The following MST1 variants were observed in gnomAD, a reference collection of about 807,000 sequenced individuals.
The protein encoded by MST1 is macrophage stimulating 1, also known as hepatocyte growth factor-like protein.
MST1 carries 76 observed loss-of-function variants against 100.1 expected under a neutral mutation model. That is an observed-to-expected ratio of 0.76 (90% CI 0.63 to 0.92). The LOEUF (loss-of-function observed/expected upper bound fraction) is 0.92. Among genes scored for constraint, MST1 ranks in the 40% least tolerant of loss-of-function variants. MST1 has a pLI of 0.00. For missense variants in MST1, 850 were observed against 990.0 expected, an observed-to-expected ratio of 0.86 and a Z score of 1.90; for synonymous variants, 352 against 385.4, an observed-to-expected ratio of 0.91 and a Z score of 1.01.
Position 49,684,444 on chromosome 3 carries a change from T to C in MST1, c.1886A>G (p.Asn629Ser), listed in dbSNP as rs375757574. Reference sequence around the variant, plus strand: ...CAAGGCCACATTTAGGACTGTGTCATTACCCGTACCTGCAGTGAGGGGAAT... The same window carrying C: ...CAAGGCCACATTTAGGACTGTGTCACTACCCGTACCTGCAGTGAGGGGAAT... ...AGWGETKGTG[N>S]DTVLNVALLN... The change falls in exon 17 of 18, where the codon AAT becomes AGT. Residue 629 changes from asparagine to serine, a missense_variant. Physicochemically the swap from Asn to Ser is conservative, Grantham distance 46. This residue lies in a region of MST1 where 816 missense variants were observed against 924.6 expected (regional missense o/e 0.88). Coordinates refer to ENST00000449682, the MANE Select transcript of MST1 (RefSeq NM_020998.4). 1.9e-6 allele frequency: 3 copies of C among 1,613,350 alleles called. No individual in the cohort carries two copies. The African/African-American group carries it at 4.0e-5, about 22-fold the overall frequency.
At position 49,684,717 on chromosome 3, in the gene MST1, C is replaced by T. The variant is rs1428634217; in HGVS notation, c.1769+21G>A. ...CACAAGGCCCAGCCCCACCTCACAC[C>T]CTCCCAGGTTGTCCACATACCTCTC... On this transcript the variant is annotated intron_variant, in intron 15 of 17. Transcript: ENST00000449682. The T allele has an allele frequency of 3.1e-6, 5 of 1,612,926 alleles. No homozygotes were observed. The African/African-American group carries it at 4.0e-5, about 13-fold the overall frequency.
In MST1 at chr3:49,687,473, C is replaced by T. The variant is rs2876714; in HGVS notation, c.361G>A (p.Val121Ile). The T allele has an allele frequency of 1.1e-5, 17 of 1,613,496 alleles. 1 individual carries two copies. The highest frequency in any genetic ancestry group is 2.2e-5 in the South Asian group (2 of 91,082). The change falls in exon 4 of 18, where the codon GTA (valine) becomes ATA (isoleucine). Residue 121 changes from valine to isoleucine, a missense_variant. Physicochemically the swap from Val to Ile is conservative, Grantham distance 29. Transcript: ENST00000449682. ...CCATTGTTCATGATGCAGGTCCGTA[C>T]GTAGTCTGGGAGCAAGAGACAGAAG... The part of the protein sequence containing the change: ...RCDLFQKKDY[V>I]RTCIMNNGVG...
rs548020547 is a variant in MST1 at position 49,684,458 on chromosome 3, A to G, written c.1877-5T>C. 1 of 1,613,528 alleles carries G rather than the reference A, an allele frequency of 6.2e-7. No individual in the cohort carries two copies. The highest frequency in any genetic ancestry group is 8.5e-7 in the Non-Finnish European group (1 of 1,179,862). ...GGACTGTGTCATTACCCGTACCTGC[A>G]GTGAGGGGAATGGGGAGAGGGAGAG... On this transcript the variant is annotated splice_region_variant and splice_polypyrimidine_tract_variant and intron_variant, in intron 16 of 17. Transcript: ENST00000449682.
rs765566249 is a variant in MST1, at chr3:49,686,766, C to G, written c.765G>C (p.Arg255=). The G allele has an allele frequency of 1.9e-6, 3 of 1,610,570 alleles. No homozygotes were observed. The highest frequency in any genetic ancestry group is 2.5e-6 in the Non-Finnish European group (3 of 1,179,214). The change falls in exon 7 of 18, where the codon CGG becomes CGC. Residue 255 remains arginine, a synonymous_variant. Transcript: ENST00000449682. ...ATGGCCGCTCGGAGCCGTCAGGATT[C>G]CGGCAATAGTTGTCGTCCAGACCTT... ...LDQGLDDNYC[R]NPDGSERPWC...
rs779031051 is a variant in MST1, at chr3:49,685,931, G to T, written c.1179C>A (p.Arg393=). The change falls in exon 10 of 18, where the codon CGC becomes CGA. Residue 393 remains arginine (R), a synonymous_variant. Coordinates refer to ENST00000449682, the MANE Select transcript of MST1 (RefSeq NM_020998.4). ...DCYHGAGEQY[R]GTVSKTRKGV... ...CCTTGCGGGTCTTGCTGACCGTGCC[G>T]CGGTACTGCTCCCCTGCGCCGTGGT... The T allele has an allele frequency of 8.7e-6, 14 of 1,609,770 alleles. No individual in the cohort carries two copies. The East Asian group carries it at 3.1e-4, about 36-fold the overall frequency.
chr3:49,683,955 T>C lies in MST1; in HGVS notation c.*73A>G. The stretch of plus-strand genomic sequence containing the variant: ...AGGCTAAGAAGCATCTGTACAGGCA[T>C]AAAGAGGAAACATGGCTTTATGTCT... On this transcript the variant is annotated 3_prime_UTR_variant, in exon 18 of 18. Coordinates refer to ENST00000449682, the MANE Select transcript of MST1 (RefSeq NM_020998.4). 1 of 1,570,448 alleles carries C rather than the reference T, an allele frequency of 6.4e-7. No individual in the cohort carries two copies. The highest frequency in any genetic ancestry group is 8.6e-7 in the Non-Finnish European group (1 of 1,159,556).
At chr3:49,687,933 G>A (rs771978764) in intron 1 of MST1, 36 bp from the exon 2 acceptor site, 6 of 1,597,022 alleles carry the variant, frequency 3.8e-6, no homozygotes, top group African/African-American at 1.3e-5. Flanking sequence ...AGGTCAGGTG[G>A]GCATACATGT....
chr3:49,686,177 G>T lies in MST1; in HGVS notation c.1032C>A (p.Asn344Lys). 1 of 1,611,492 alleles carries T rather than the reference G, an allele frequency of 6.2e-7. No individual in the cohort carries two copies. Among genetic ancestry groups the T allele is most frequent in the South Asian group, 1.1e-5 (1 of 90,964 alleles). ...CTGAGCCGTCGGGGTTCCGGCAGAA[G>T]TTCTCCCGAAGGTCTCTAAGCAGGC... ...EKYACKDLRE[N>K]FCRNPDGSEA... Residue 344 changes from asparagine (N) to lysine (K), a missense_variant, in exon 9 of 18, where the codon AAC becomes AAA. By Grantham distance (94) the Asn-to-Lys change is moderately conservative. Transcript: ENST00000449682.
chr3:49,686,977 T>C lies in MST1; in HGVS notation c.698A>G (p.His233Arg). 8.7e-6 allele frequency: 14 copies of C among 1,611,114 alleles called. No individual in the cohort carries two copies. The highest frequency in any genetic ancestry group is 1.0e-5 in the Non-Finnish European group (12 of 1,179,714). ...GRECQRWDLQ[H>R]PHQHPFEPGK... ...CGGCTCGAAGGGGTGCTGGTGCGGG[T>C]GCTGAAGATCCCAGCGCTGGCACTC... Residue 233 changes from histidine (H) to arginine (R), a missense_variant, in exon 6 of 18, where the codon CAC becomes CGC. His to Arg is a conservative substitution (Grantham distance 29). This residue lies in a region of MST1 where 816 missense variants were observed against 924.6 expected (regional missense o/e 0.88). Transcript: ENST00000449682.
Position 49,687,662 on chromosome 3 carries a change from G to C in MST1, c.249C>G (p.Phe83Leu). ...RCGPLMDCRA[F>L]HYNVSSHGCQ... Reference sequence around the variant, plus strand: ...AACCATGGCTGCTCACGTTGTAGTGGAAGGCCCTGGAGAGAAGAAGGCACA... The same window carrying C: ...AACCATGGCTGCTCACGTTGTAGTGCAAGGCCCTGGAGAGAAGAAGGCACA... Residue 83 changes from phenylalanine to leucine, a missense_variant, in exon 3 of 18, where the codon TTC becomes TTG. Phe to Leu is a conservative substitution (Grantham distance 22). Transcript: ENST00000449682. 3.1e-6 allele frequency: 5 copies of C among 1,613,438 alleles called. No homozygotes were observed. Among genetic ancestry groups the C allele is most frequent in the Non-Finnish European group, 3.4e-6 (4 of 1,179,872 alleles).
Position 49,687,592 on chromosome 3 carries a change from G to T in MST1, c.319C>A (p.Arg107=). The part of the protein sequence containing the change: ...WTQHSPHTRL[R]RSGRCDLFQK... ...AAGAGGTCACAGCGCCCAGAACGCCGCAGCCTCGTGTGGGGCGAGTGTTGA... is the reference window on the plus strand; with the variant it reads ...AAGAGGTCACAGCGCCCAGAACGCCTCAGCCTCGTGTGGGGCGAGTGTTGA... The change falls in exon 3 of 18, where the codon CGG becomes AGG. Residue 107 remains arginine (R), a synonymous_variant. Coordinates refer to ENST00000449682, the MANE Select transcript of MST1 (RefSeq NM_020998.4). The T allele has an allele frequency of 6.2e-7, 1 of 1,613,536 alleles. No individual in the cohort carries two copies. Among genetic ancestry groups the T allele is most frequent in the Non-Finnish European group, 8.5e-7 (1 of 1,179,868 alleles).
Position 49,685,589 on chromosome 3 carries a change from T to A in MST1, c.1387+7A>T. On this transcript the variant is annotated splice_region_variant and intron_variant, in intron 11 of 17. Transcript: ENST00000449682. ...AGGGTCATGGGGGAAGCGTCACTAG[T>A]GCTCACCGCAGCGTCGCAGGGCACA... 1 of 1,613,320 alleles carries A rather than the reference T, an allele frequency of 6.2e-7. No individual in the cohort carries two copies. The highest frequency in any genetic ancestry group is 8.5e-7 in the Non-Finnish European group (1 of 1,179,844).
rs2053643938 is a variant in MST1 at position 49,685,516 on chromosome 3, A to G, written c.1388-10T>C. On this transcript the variant is annotated splice_polypyrimidine_tract_variant and intron_variant, in intron 11 of 17. Transcript: ENST00000449682. ...GGCGGCTGGTCATCAGCTGAAAGAC[A>G]AAGTTCACTGGGGTTAAGGGAGCCA... The G allele has an allele frequency of 6.2e-7, 1 of 1,613,440 alleles. No individual in the cohort carries two copies. The highest frequency in any genetic ancestry group is 1.3e-5 in the African/African-American group (1 of 75,020).
chr3:49,684,938 G>C, intron 14 of MST1, 54 bp from the exon 15 acceptor site: 2 of 1,613,580 alleles, frequency 1.2e-6, no homozygotes, highest in South Asian at 1.1e-5. Flanking sequence ...TTGCCCCAAG[G>C]CTCACTTGTT....
chr3:49,684,019 A>C lies in MST1; in HGVS notation c.*9T>G, dbSNP rs1486607002. The C allele has an allele frequency of 6.2e-7, 1 of 1,611,504 alleles. No homozygotes were observed. The highest frequency in any genetic ancestry group is 1.3e-5 in the African/African-American group (1 of 74,868). ...GTCCTCCCCAAGGCATATGGCATCAAGGCTGGGCCTAACCCAGTCTCATGA... is the reference window on the plus strand; with the variant it reads ...GTCCTCCCCAAGGCATATGGCATCACGGCTGGGCCTAACCCAGTCTCATGA... On this transcript the variant is annotated 3_prime_UTR_variant, in exon 18 of 18. Transcript: ENST00000449682.
chr3:49,685,658 C>T lies in MST1; in HGVS notation c.1325G>A (p.Gly442Glu), dbSNP rs769317199. 6.2e-7 allele frequency: 1 copy of T among 1,613,414 alleles called. No individual in the cohort carries two copies. The highest frequency in any genetic ancestry group is 8.5e-7 in the Non-Finnish European group (1 of 1,179,846). The change falls in exon 11 of 18, where the codon GGG becomes GAG. Residue 442 changes from glycine (G) to glutamate (E), a missense_variant. Coordinates refer to ENST00000449682, the MANE Select transcript of MST1 (RefSeq NM_020998.4). ...TGGGTCCATCGTGTAGCACCAGGGC[C>T]CATGGCTATCCCCATCTGGGTTCCG... ...FCRNPDGDSH[G>E]PWCYTMDPRT...
At chr3:49,686,886 C>T (rs557255594) in intron 6 of MST1, 61 bp downstream of exon 6, 3 of 1,611,876 alleles carry the variant, frequency 1.9e-6, no homozygotes, top group East Asian at 2.2e-5. Flanking sequence ...GGAGCCCTGC[C>T]CCTGGAGTCC....
rs1575500899 is a variant in MST1 at position 49,686,758 on chromosome 3, T to G, written c.773A>C (p.Asp258Ala). The change falls in exon 7 of 18, where the codon GAC becomes GCC. Residue 258 changes from aspartate (D) to alanine (A), a missense_variant. By Grantham distance (126) the Asp-to-Ala change is moderately radical. This residue lies in a region of MST1 where 816 missense variants were observed against 924.6 expected (regional missense o/e 0.88). Transcript: ENST00000449682. ...GTAGCACCATGGCCGCTCGGAGCCGTCAGGATTCCGGCAATAGTTGTCGTC... is the reference window on the plus strand; with the variant it reads ...GTAGCACCATGGCCGCTCGGAGCCGGCAGGATTCCGGCAATAGTTGTCGTC... ...GLDDNYCRNPDGSERPWCYTT... is the reference protein window; with the variant it reads ...GLDDNYCRNPAGSERPWCYTT... 1.9e-6 allele frequency: 3 copies of G among 1,609,098 alleles called. No homozygotes were observed. The highest frequency in any genetic ancestry group is 1.9e-4 in the Middle Eastern group (1 of 5,206).
Position 49,687,027 on chromosome 3 carries a change from C to T in MST1, c.648G>A (p.Ala216=). ...VWCNGEEYRG[A]VDRTESGREC... is the part of the protein sequence containing the mutation. Reference sequence around the variant, plus strand: ...CGCGCCCTGACTCCGTGCGGTCTACCGCGCCGCGGTATTCCTCGCCATTGC... The same window carrying T: ...CGCGCCCTGACTCCGTGCGGTCTACTGCGCCGCGGTATTCCTCGCCATTGC... Residue 216 remains alanine, a synonymous_variant, in exon 6 of 18, where the codon GCG becomes GCA. Transcript: ENST00000449682. The T allele has an allele frequency of 1.2e-6, 2 of 1,611,648 alleles. No homozygotes were observed. The highest frequency in any genetic ancestry group is 2.2e-5 in the South Asian group (2 of 91,024).
Sources: allele counts gnomAD v4.1 joint callset, GRCh38; gene constraint gnomAD v4.1.1; regional missense constraint gnomAD v4.1.1; transcripts MANE v1.5; gene names NCBI Gene and HGNC (gene_info 2026-07-23, HGNC 2026-07-21).